Variants in ARHGEF28 observed in about 807,000 individuals in gnomAD.
ARHGEF28 encodes the protein Rho guanine nucleotide exchange factor 28, also known as 190 kDa guanine nucleotide exchange factor.
Under a neutral mutation model 206.6 loss-of-function variants are expected in ARHGEF28, and 152 were observed. The ratio of observed to expected loss-of-function variants is 0.74; its 90% CI spans 0.64 to 0.84. ARHGEF28 has a LOEUF of 0.84. Ranked by LOEUF, ARHGEF28 falls within the 40% of genes least tolerant of loss-of-function variation. The pLI is 0.00. For missense variants in ARHGEF28, 2,028 were observed against 2,073.2 expected (o/e 0.98, Z 0.42); for synonymous variants, 763 against 776.4 (o/e 0.98, Z 0.29).
chr5:73,868,716 G>A (rs1759872034), intron 20 of ARHGEF28, among the ~76,000 whole-genome samples: 1 of 151,904 alleles, frequency 6.6e-6, no homozygotes, highest in African/African-American at 2.4e-5. Context: ...GTATGATCTC[G>A]GCTCATTGCA....
chr5:73,853,399 G>C (rs774013190), intron 14 of ARHGEF28, among the ~76,000 whole-genome samples: 1 of 152,236 alleles, frequency 6.6e-6, no homozygotes, highest in South Asian at 2.1e-4. Flanking sequence ...CATCTGAAAA[G>C]AGTGAAATGG....
At chr5:73,643,143 A>T (rs1744228323) in intron 1 of ARHGEF28, among the ~76,000 whole-genome samples, 2 of 152,234 alleles carry the variant, frequency 1.3e-5, no homozygotes, top group African/African-American at 4.8e-5. Flanking sequence ...GGTAGGTTTG[A>T]AATAAGCAAT....
At chr5:73,698,771 T>C (rs766288813) in intron 2 of ARHGEF28, among the ~76,000 whole-genome samples, 1 of 151,980 alleles carries the variant, frequency 6.6e-6, no homozygotes, top group Non-Finnish European at 1.5e-5. Context: ...CTGCAGAGCC[T>C]GTGTAGGAGC....
chr5:73,770,623 T>A (rs1345560045), intron 4 of ARHGEF28, among the ~76,000 whole-genome samples: 1 of 152,206 alleles, frequency 6.6e-6, no homozygotes, highest in Non-Finnish European at 1.5e-5. Context: ...CGTTAAGAAA[T>A]CTGAAACTCT....
At chr5:73,875,560 A>G (rs568239473) in intron 22 of ARHGEF28, among the ~76,000 whole-genome samples, 1 of 151,666 alleles carries the variant, frequency 6.6e-6, no homozygotes, top group Non-Finnish European at 1.5e-5. Context: ...TAGGTCTAAC[A>G]TGTAAGTCTT....
At chr5:73,701,534 A>G (rs544216136) in intron 2 of ARHGEF28, among the ~76,000 whole-genome samples, 3 of 152,260 alleles carry the variant, frequency 2.0e-5, no homozygotes, top group Non-Finnish European at 2.9e-5. Flanking sequence ...AGCATTTTTG[A>G]TGGCTCAGAA....
At chr5:73,704,022 TAAAAA>T (rs11386247) in intron 2 of ARHGEF28, among the ~76,000 whole-genome samples, 1 of 144,928 alleles carries the variant, frequency 6.9e-6, no homozygotes, top group Non-Finnish European at 1.5e-5. Context: ...AGACTCTGTC[TAAAAA>T]AAAAAAAAAT....
intron 18 of ARHGEF28, among the ~76,000 whole-genome samples, chr5:73,866,960 G>A (rs973976988): frequency 1.3e-5 from 2 of 152,184 alleles, no homozygotes; most frequent in Admixed American, 1.3e-4. Context: ...GCTATTGGGT[G>A]TAATGTTATA....
intron 12 of ARHGEF28, 88 bp from the exon 13 acceptor site, chr5:73,848,888 G>T: frequency 1.1e-6 from 1 of 919,102 alleles, no homozygotes; most frequent in Non-Finnish European, 1.7e-6. Flanking sequence ...TCTTTTCAAA[G>T]GTGCAAATTT....
At chr5:73,877,261 G>A (rs1760568644) in intron 22 of ARHGEF28, among the ~76,000 whole-genome samples, 2 of 151,500 alleles carry the variant, frequency 1.3e-5, no homozygotes, top group Admixed American at 6.6e-5. Flanking sequence ...TGGGATCGGT[G>A]GTGATATCCC....
At chr5:73,668,388 G>A (rs1486148769) in intron 1 of ARHGEF28, among the ~76,000 whole-genome samples, 2 of 152,200 alleles carry the variant, frequency 1.3e-5, no homozygotes, top group Admixed American at 6.5e-5. Flanking sequence ...GGGCCTTTGT[G>A]CCACACTATC....
chr5:73,810,994 G>T (rs1372889992), intron 9 of ARHGEF28, among the ~76,000 whole-genome samples: 2 of 152,148 alleles, frequency 1.3e-5, no homozygotes, highest in African/African-American at 4.8e-5. Context: ...TATAGTAGAG[G>T]TTTAGCATGT....
At chr5:73,919,656 A>G (rs192360713) in intron 35 of ARHGEF28, among the ~76,000 whole-genome samples, 2 of 152,338 alleles carry the variant, frequency 1.3e-5, no homozygotes, top group East Asian at 3.9e-4. Flanking sequence ...CTCTCCTACT[A>G]GAAAGAAAAT....
At chr5:73,774,611 A>G (rs188806723) in intron 5 of ARHGEF28, among the ~76,000 whole-genome samples, 99 of 152,342 alleles carry the variant, frequency 6.5e-4, no homozygotes, top group African/African-American at 2.3e-3. Context: ...GTCTAATGAA[A>G]TAATGTAAAG....
intron 1 of ARHGEF28, among the ~76,000 whole-genome samples, chr5:73,673,811 AT>A (rs2112222913): frequency 6.6e-6 from 1 of 152,250 alleles, no homozygotes; most frequent in Admixed American, 6.5e-5. Flanking sequence ...AGGTACTATG[AT>A]TAATTCTACT....
At chr5:73,870,017 A>C in intron 20 of ARHGEF28, 52 bp from the exon 21 acceptor site, 1 of 1,584,088 alleles carries the variant, frequency 6.3e-7, no homozygotes, top group South Asian at 1.2e-5. Flanking sequence ...ACGAAGGTAT[A>C]TTTGTGCTGC....
chr5:73,752,978 T>C lies in ARHGEF28; in HGVS notation c.251T>C (p.Met84Thr). The stretch of plus-strand genomic sequence containing the variant: ...TCGGAAGGTTACTCTCCGGTGACCA[T>C]GGGCTCTGGCTCAGTGACCTACGTG... ...LCSEGYSPVT[M>T]GSGSVTYVDN... The change falls in exon 4 of 36, where the codon ATG (methionine) becomes ACG (threonine). Residue 84 changes from methionine (M) to threonine (T), a missense_variant. Around this residue, in one of 3 missense-constraint regions of ARHGEF28, gnomAD observed 1,002 missense variants for 1,015.3 expected, o/e 0.99. Coordinates refer to ENST00000513042, the MANE Select transcript of ARHGEF28 (RefSeq NM_001177693.2). The C allele has an allele frequency of 1.2e-6, 2 of 1,613,856 alleles. No homozygotes were observed. The highest frequency in any genetic ancestry group is 1.7e-6 in the Non-Finnish European group (2 of 1,179,822).
intron 34 of ARHGEF28, among the ~76,000 whole-genome samples, chr5:73,910,381 CAAAA>C (rs60086897): frequency 1.3e-4 from 4 of 31,002 alleles, no homozygotes; most frequent in South Asian, 2.0e-3. Flanking sequence ...AACACCATCT[CAAAA>C]AAAAAAAAAA....
intron 2 of ARHGEF28, among the ~76,000 whole-genome samples, chr5:73,688,978 CTTAAG>C (rs1307144232): frequency 1.3e-5 from 2 of 152,172 alleles, no homozygotes; most frequent in Non-Finnish European, 2.9e-5. Context: ...TTGTTTTCCA[CTTAAG>C]TTTTCAGTAG....
Sources: allele counts gnomAD v4.1 joint callset (sites outside exome capture counted in the v4.1 genomes callset), GRCh38; gene constraint gnomAD v4.1.1; regional missense constraint gnomAD v4.1.1; transcripts MANE v1.5; gene names NCBI Gene and HGNC (gene_info 2026-07-23, HGNC 2026-07-21).